Variants in RYR3 observed in about 807,000 individuals in gnomAD.
RYR3 encodes ryanodine receptor 3.
In RYR3, 207 loss-of-function variants were observed where a neutral mutation model predicts 584.3. The observed-to-expected ratio is 0.35, with a 90% confidence interval of 0.32 to 0.40. The LOEUF is 0.40. Among genes scored for constraint, RYR3 ranks in the 10% least tolerant of loss-of-function variants. The pLI is 1.00. For missense variants in RYR3, 5,616 were observed against 6,089.2 expected (o/e 0.92, Z 2.59); for synonymous variants, 2,416 against 2,248.5 (o/e 1.07, Z -2.11).
Position 33,631,623 on chromosome 15 carries a change from G to A in RYR3, c.2867+330G>A, listed in dbSNP as rs535935064. On this transcript the variant is annotated intron_variant, in intron 23 of 103. Transcript: ENST00000634891. ...AAAAGTGGTTCCCAGCCATGACAGA[G>A]AGTCACTCCTCTGGCATTGGACCAG... Among the ~76,000 whole-genome samples, 8 of 152,312 alleles carry A rather than the reference G, an allele frequency of 5.3e-5. No individual in the cohort carries two copies. In the South Asian group the frequency reaches 1.5e-3, roughly 28 times the overall value.
rs1449406965 is a variant in RYR3 at position 33,669,411 on chromosome 15, C to A, written c.5677C>A (p.Arg1893=). ...GENCPCPEEI[R]EELYDFHEDL... is the part of the protein sequence containing the mutation. ...GAACTGCCCCTGCCCAGAGGAGATT[C>A]GGGAGGAGCTGTATGATTTCCATGA... The change falls in exon 37 of 104, where the codon CGG becomes AGG. Residue 1893 remains arginine, a synonymous_variant. Transcript: ENST00000634891. 1.2e-6 allele frequency: 2 copies of A among 1,613,928 alleles called. No homozygotes were observed. The highest frequency in any genetic ancestry group is 1.7e-6 in the Non-Finnish European group (2 of 1,179,868).
intron 32 of RYR3, among the ~76,000 whole-genome samples, chr15:33,656,831 T>C (rs1457340663): frequency 6.6e-6 from 1 of 152,168 alleles, no homozygotes; most frequent in Non-Finnish European, 1.5e-5. Flanking sequence ...CAAGGGCACG[T>C]CCAGTTTTTC....
In RYR3 at chr15:33,837,936, C is replaced by T. The variant is rs182054475; in HGVS notation, c.11956C>T (p.Pro3986Ser). 11 of 1,613,952 alleles carry T rather than the reference C, an allele frequency of 6.8e-6. No homozygotes were observed. In the East Asian group the frequency reaches 2.2e-4, roughly 33 times the overall value. ...YVDFVDRFHE[P>S]AKDIGFNVAV... ...TGATTTTGTAGACCGGTTCCATGAG[C>T]CAGCCAAGGACATAGGGTTTAATGT... Residue 3986 changes from proline to serine, a missense_variant, in exon 89 of 104, where the codon CCA (proline) becomes TCA (serine). Transcript: ENST00000634891.
At chr15:33,621,283 G>A (rs894231946) in intron 19 of RYR3, among the ~76,000 whole-genome samples, 1 of 152,134 alleles carries the variant, frequency 6.6e-6, no homozygotes, top group East Asian at 1.9e-4. Flanking sequence ...ACACTTACTT[G>A]CTATACAAGC....
At chr15:33,539,006 T>C (rs2055573224) in intron 5 of RYR3, 1 of 167,734 alleles carries the variant, frequency 6.0e-6, no homozygotes, top group East Asian at 1.6e-4. Context: ...TTATTCTTGG[T>C]GGTCTTGATT....
chr15:33,831,534 T>A (rs1286817029), intron 86 of RYR3, among the ~76,000 whole-genome samples: 1 of 152,216 alleles, frequency 6.6e-6, no homozygotes, highest in Admixed American at 6.5e-5. Context: ...ATCCATGAGA[T>A]CCTACTGATT....
chr15:33,812,904 G>C lies in RYR3; in HGVS notation c.10299G>C (p.Lys3433Asn). 6.2e-7 allele frequency: 1 copy of C among 1,613,938 alleles called. No individual in the cohort carries two copies. The highest frequency in any genetic ancestry group is 8.5e-7 in the Non-Finnish European group (1 of 1,179,838). The change falls in exon 73 of 104, where the codon AAG becomes AAC. Residue 3433 changes from lysine to asparagine, a missense_variant. Around this residue, in one of 9 missense-constraint regions of RYR3, gnomAD observed 954 missense variants for 1,132.2 expected, o/e 0.84. Coordinates refer to ENST00000634891, the MANE Select transcript of RYR3 (RefSeq NM_001036.6). ...TAAAATGGCAACTGAACCTCTACAA[G>C]GATGTTCTGAAGAGTGAAGAACCTT... ...PAVKWQLNLY[K>N]DVLKSEEPFN...
At chr15:33,719,120 G>C (rs2067711599) in intron 43 of RYR3, among the ~76,000 whole-genome samples, 1 of 152,062 alleles carries the variant, frequency 6.6e-6, no homozygotes, top group Admixed American at 6.6e-5. Context: ...CTTTTCCTTG[G>C]TCCCCTGTCT....
At chr15:33,566,924 T>C (rs2057748165) in intron 12 of RYR3, 125 bp downstream of exon 12, 2 of 1,102,636 alleles carry the variant, frequency 1.8e-6, no homozygotes, top group Admixed American at 1.9e-5. Flanking sequence ...CAAAGAGTTT[T>C]ACCATCAAGA....
At chr15:33,425,838 T>C (rs1467884698) in intron 1 of RYR3, among the ~76,000 whole-genome samples, 1 of 152,092 alleles carries the variant, frequency 6.6e-6, no homozygotes, top group African/African-American at 2.4e-5. Context: ...GAGACGGGGT[T>C]TCACCGTGTT....
chr15:33,540,755 G>C, intron 6 of RYR3, 36 bp from the exon 7 acceptor site: 1 of 1,344,264 alleles, frequency 7.4e-7, no homozygotes, highest in South Asian at 1.2e-5. Flanking sequence ...CTGGACTGGT[G>C]ATTTAAAAGA....
chr15:33,583,906 G>C (rs1211164747), intron 14 of RYR3, among the ~76,000 whole-genome samples: 4 of 152,110 alleles, frequency 2.6e-5, no homozygotes, highest in African/African-American at 9.7e-5. Context: ...ACAAAAATTA[G>C]CTGGGTGTGG....
intron 27 of RYR3, among the ~76,000 whole-genome samples, chr15:33,639,722 T>TA (rs1318412855): frequency 1.3e-5 from 2 of 152,206 alleles, no homozygotes; most frequent in African/African-American, 4.8e-5. Flanking sequence ...TGGCTGTTTT[T>TA]ACCTCTGGCT....
intron 1 of RYR3, among the ~76,000 whole-genome samples, chr15:33,389,454 CA>C (rs1406887930): frequency 1.3e-5 from 2 of 152,104 alleles, no homozygotes; most frequent in Non-Finnish European, 2.9e-5. Context: ...CAGCAGCTGG[CA>C]TGTGGTAAGG....
chr15:33,691,157 CCATATTAA>C (rs59816704), intron 38 of RYR3, among the ~76,000 whole-genome samples: 46,030 of 151,748 alleles, frequency 0.3, 7,955 homozygotes, highest in Non-Finnish European at 0.4. Flanking sequence ...GAATCTGAAA[CCATATTAA>C]CTAGATGTCT....
intron 9 of RYR3, among the ~76,000 whole-genome samples, chr15:33,549,329 C>A (rs760587106): frequency 7.2e-5 from 11 of 152,148 alleles, no homozygotes; most frequent in Admixed American, 2.0e-4. Flanking sequence ...ATGAAGAATT[C>A]AAGCCTTTTA....
rs2057476655 is a variant in RYR3, at chr15:33,562,744, C to T, written c.973-93C>T. The T allele has an allele frequency of 1.0e-5, 9 of 877,972 alleles. 1 individual carries two copies. The South Asian group carries it at 1.5e-4, about 14-fold the overall frequency. 54.4% of individuals were successfully genotyped at this position (877,972 alleles called of 1,614,324 possible). On this transcript the variant is annotated intron_variant, in intron 10 of 103. Transcript: ENST00000634891. ...ATTATTTTGGTAACCAGTTGCCTGG[C>T]TTACAGGTTCTTCATAGGTGATTCG...
intron 1 of RYR3, among the ~76,000 whole-genome samples, chr15:33,438,502 C>T (rs2141844079): frequency 6.6e-6 from 1 of 152,076 alleles, no homozygotes; most frequent in African/African-American, 2.4e-5. Flanking sequence ...CCACCGAGTC[C>T]CAACCCCATT....
rs927234774 is a variant in RYR3, at chr15:33,418,735, C to T, written c.52-54684C>T. Among the ~76,000 whole-genome samples the T allele has an allele frequency of 5.9e-5, 9 of 152,214 alleles. 1 individual carries two copies. The highest frequency in any genetic ancestry group is 1.3e-4 in the Admixed American group (2 of 15,282). Reference sequence around the variant, plus strand: ...AGATAGACATCCCAGAAAAACCAAGCCCTAACTTTACACACTGGGGGTAGA... The same window carrying T: ...AGATAGACATCCCAGAAAAACCAAGTCCTAACTTTACACACTGGGGGTAGA... On this transcript the variant is annotated intron_variant, in intron 1 of 103. Coordinates refer to ENST00000634891, the MANE Select transcript of RYR3 (RefSeq NM_001036.6).
Sources: allele counts gnomAD v4.1 joint callset (sites outside exome capture counted in the v4.1 genomes callset), GRCh38; gene constraint gnomAD v4.1.1; regional missense constraint gnomAD v4.1.1; transcripts MANE v1.5; gene names NCBI Gene and HGNC (gene_info 2026-07-23, HGNC 2026-07-21).